The following PTGER3 variants were observed in gnomAD, a reference collection of about 807,000 sequenced individuals.
PTGER3 encodes the protein prostaglandin E2 receptor EP3 subtype.
A neutral mutation model predicts 34.7 loss-of-function variants in PTGER3; 22 were observed. The observed-to-expected ratio is 0.63, with a 90% confidence interval of 0.45 to 0.91. The LOEUF (loss-of-function observed/expected upper bound fraction) is 0.91, where lower values mean the gene tolerates loss of function less well. PTGER3 is among the 40% of genes least tolerant of loss of function. The probability of loss-of-function intolerance (pLI) is 0.00; values close to 1 mark genes in which losing one functional copy is unlikely to be tolerated. For synonymous variants in PTGER3, 241 were observed against 230.1 expected, an observed-to-expected ratio of 1.05 and a Z score of -0.43; for missense variants, 468 against 519.4, an observed-to-expected ratio of 0.90 and a Z score of 0.96.
chr1:71,006,275 C>A (rs1359643098), intron 2 of PTGER3: 20 of 985,290 alleles, frequency 2.0e-5, no homozygotes, highest in Non-Finnish European at 2.3e-5. Flanking sequence ...TATCTTTTCT[C>A]ACGAAGAAAG....
chr1:71,012,431 T>A lies in PTGER3; in HGVS notation c.951A>T (p.Thr317=). 1 of 1,614,158 alleles carries A rather than the reference T, an allele frequency of 6.2e-7. No individual in the cohort carries two copies. The highest frequency in any genetic ancestry group is 8.5e-7 in the Non-Finnish European group (1 of 1,180,034). The change falls in exon 2 of 4, where the codon ACA becomes ACT. Residue 317 remains threonine, a synonymous_variant. Coordinates refer to ENST00000306666, the MANE Select transcript of PTGER3 (RefSeq NM_198719.2). ...FNQTSVEHCK[T]HTEKQKECNF... is the part of the protein sequence containing the mutation. Reference sequence around the variant, plus strand: ...TGCATTCTTTCTGCTTCTCCGTGTGTGTCTTGCAGTGCTCAACTGATGTCT... The same window carrying A: ...TGCATTCTTTCTGCTTCTCCGTGTGAGTCTTGCAGTGCTCAACTGATGTCT...
intron 4 of PTGER3, among the ~76,000 whole-genome samples, chr1:70,860,389 G>C (rs1424544967): frequency 6.6e-6 from 1 of 152,018 alleles, no homozygotes; most frequent in East Asian, 1.9e-4. Flanking sequence ...ACATTGTTCT[G>C]TCCAGGATGG....
intron 2 of PTGER3, among the ~76,000 whole-genome samples, chr1:70,990,906 A>G (rs1295206472): frequency 6.6e-6 from 1 of 152,222 alleles, no homozygotes; most frequent in Non-Finnish European, 1.5e-5. Context: ...AAATGCTACA[A>G]TTCCGTTTCA....
intron 2 of PTGER3, among the ~76,000 whole-genome samples, chr1:71,000,682 C>T (rs947109175): frequency 2.0e-5 from 3 of 152,082 alleles, no homozygotes; most frequent in African/African-American, 4.8e-5. Flanking sequence ...TAAAGATTAT[C>T]AGATAGGTTT....
At chr1:70,884,897 C>T (rs912311390) in intron 4 of PTGER3, among the ~76,000 whole-genome samples, 15 of 152,160 alleles carry the variant, frequency 9.9e-5, no homozygotes, top group African/African-American at 2.7e-4. Flanking sequence ...AACTCCATCA[C>T]GTTCCTAGAT....
intron 4 of PTGER3, among the ~76,000 whole-genome samples, chr1:70,856,858 T>C (rs1285637614): frequency 2.6e-5 from 4 of 152,204 alleles, no homozygotes; most frequent in Non-Finnish European, 5.9e-5. Flanking sequence ...ATGCCATCTT[T>C]TCATATGTAT....
At chr1:70,855,515 A>C (rs1645782072) in intron 4 of PTGER3, among the ~76,000 whole-genome samples, 1 of 152,228 alleles carries the variant, frequency 6.6e-6, no homozygotes, top group Non-Finnish European at 1.5e-5. Flanking sequence ...TTTAAAAATA[A>C]ATAAATAAAT....
chr1:70,925,660 A>G (rs1648001033), intron 4 of PTGER3, among the ~76,000 whole-genome samples: 1 of 152,134 alleles, frequency 6.6e-6, no homozygotes, highest in Non-Finnish European at 1.5e-5. Context: ...AACAAACTAA[A>G]CAACATAATA....
intron 4 of PTGER3, among the ~76,000 whole-genome samples, chr1:70,930,505 T>G (rs892769185): frequency 6.6e-6 from 1 of 152,186 alleles, no homozygotes; most frequent in South Asian, 2.1e-4. Context: ...CTTGTATTAG[T>G]CCACTTATGT....
rs140078562 is a variant in PTGER3 at position 71,019,475 on chromosome 1, C to G, written c.898-6991G>C. 8.4e-3 allele frequency among the ~76,000 whole-genome samples: 1,274 copies of G among 152,268 alleles called. 25 individuals carry two copies. Among genetic ancestry groups the G allele is most frequent in the African/African-American group, 0.03 (1,226 of 41,534 alleles). On this transcript the variant is annotated intron_variant, in intron 1 of 3. Transcript: ENST00000306666. ...CTTGGTTATCAGCAGTAATAGAGAG[C>G]TTCTTTATGCACTTGAGATAACTGG...
In PTGER3 at chr1:70,898,278, C is replaced by T. The variant is rs1377641777; in HGVS notation, c.*24-45419G>A. 2.6e-5 allele frequency among the ~76,000 whole-genome samples: 4 copies of T among 152,236 alleles called. 1 individual carries two copies. Among genetic ancestry groups the T allele is most frequent in the South Asian group, 4.1e-4 (2 of 4,820 alleles). On this transcript the variant is annotated intron_variant, in intron 4 of 4. Coordinates refer to the PTGER3 transcript ENST00000370931. ...CACACTGATGTCCATCTTGGTCTTCCTGTTTTTCTCCTTTCCCCTTTTCTT... is the reference window on the plus strand; with the variant it reads ...CACACTGATGTCCATCTTGGTCTTCTTGTTTTTCTCCTTTCCCCTTTTCTT...
chr1:71,008,438 A>G (rs778584413), intron 2 of PTGER3: 27 of 890,916 alleles, frequency 3.0e-5, no homozygotes, highest in Admixed American at 6.2e-5. Flanking sequence ...CATTTTAGGA[A>G]TTATAAAAGG....
Position 70,908,176 on chromosome 1 carries a change from T to C in PTGER3, c.*23+45587A>G, listed in dbSNP as rs551564640. Among the ~76,000 whole-genome samples, 12 of 152,290 alleles carry C rather than the reference T, an allele frequency of 7.9e-5. No homozygotes were observed. The South Asian group carries it at 2.3e-3, about 29-fold the overall frequency. On this transcript the variant is annotated intron_variant, in intron 4 of 4. Transcript: ENST00000370931. ...GGGTGTGGAATACATAGAGGCAAGG[T>C]GTCCCCGAGGAGACAATTATTTTAT...
chr1:70,863,090 G>A (rs532595543), intron 4 of PTGER3, among the ~76,000 whole-genome samples: 1 of 152,084 alleles, frequency 6.6e-6, no homozygotes, highest in East Asian at 1.9e-4. Flanking sequence ...CTGTCTTAGA[G>A]AAAGAGATGA....
chr1:71,047,236 G>T lies in PTGER3; in HGVS notation c.342C>A (p.Tyr114Ter). The change falls in exon 1 of 4, where the codon TAC (tyrosine) becomes TAA (stop). Residue 114 changes from tyrosine to a stop codon, truncating the protein, a stop_gained. Transcript: ENST00000306666. LOFTEE classifies it high-confidence loss of function. ...TGTGCTCCCAACGCTGCTTGGACAG[G>T]TACACGACGATGACGACCGGGGTGG... ...LLTTPVVIVV[Y>*]LSKQRWEHID... 1 of 1,596,444 alleles carries T rather than the reference G, an allele frequency of 6.3e-7. No individual in the cohort carries two copies. The highest frequency in any genetic ancestry group is 8.5e-7 in the Non-Finnish European group (1 of 1,171,870).
At chr1:71,027,609 GT>G (rs1013600731) in intron 1 of PTGER3, among the ~76,000 whole-genome samples, 19 of 152,184 alleles carry the variant, frequency 1.2e-4, no homozygotes, top group African/African-American at 4.1e-4. Flanking sequence ...TATTGACATA[GT>G]CCCCCCGGTT....
intron 4 of PTGER3, among the ~76,000 whole-genome samples, chr1:70,898,056 A>T (rs1389974394): frequency 6.6e-6 from 1 of 151,820 alleles, no homozygotes; most frequent in Non-Finnish European, 1.5e-5. Flanking sequence ...GTCTCTATGG[A>T]TATTTTTTAC....
At chr1:70,893,535 T>A (rs955423186) in intron 4 of PTGER3, among the ~76,000 whole-genome samples, 3 of 152,200 alleles carry the variant, frequency 2.0e-5, no homozygotes, top group Non-Finnish European at 4.4e-5. Context: ...ATCTGCCTTA[T>A]CCAACTAGGT....
intron 2 of PTGER3, among the ~76,000 whole-genome samples, chr1:70,965,524 T>C (rs1033955099): frequency 2.6e-5 from 4 of 152,110 alleles, no homozygotes; most frequent in Non-Finnish European, 4.4e-5. Context: ...TCCTTTATTT[T>C]TCTTCCTTTT....
Sources: gnomAD v4.1 joint callset for allele counts (sites outside exome capture counted in the v4.1 genomes callset) on GRCh38, gnomAD v4.1.1 for gene constraint, MANE v1.5 for transcripts, NCBI Gene and HGNC (gene_info 2026-07-23, HGNC 2026-07-21) for gene names.